The following PCDHGB2 variants were observed in gnomAD, a reference collection of about 807,000 sequenced individuals.
PCDHGB2 encodes protocadherin gamma-B2.
A neutral mutation model predicts 59.3 loss-of-function variants in PCDHGB2; 55 were observed. That is an observed-to-expected ratio of 0.93 (90% CI 0.75 to 1.16). The LOEUF is 1.16. PCDHGB2 is among the 50% of genes most tolerant of loss of function. The pLI, the probability that PCDHGB2 is intolerant of heterozygous loss-of-function variation, is 0.00. For synonymous variants in PCDHGB2, 516 were observed against 512.0 expected (o/e 1.01, Z -0.11); for missense variants, 1,228 against 1,198.5 (o/e 1.02, Z -0.36).
At chr5:141,409,201 AATC>A (rs1377420843) in intron 1 of PCDHGB2, 1 of 1,614,044 alleles carries the variant, frequency 6.2e-7, no homozygotes, top group Non-Finnish European at 8.5e-7. Context: ...AGTGTAAAGT[AATC>A]ATAGAAATCC....
At chr5:141,365,887 C>T in intron 1 of PCDHGB2, 1 of 1,614,160 alleles carries the variant, frequency 6.2e-7, no homozygotes, top group Middle Eastern at 1.6e-4. Flanking sequence ...CTCTGAGATC[C>T]TTCGACTATG....
At chr5:141,468,428 T>C (rs936671539) in intron 1 of PCDHGB2, 11 of 151,374 alleles carry the variant, frequency 7.3e-5, no homozygotes, top group Non-Finnish European at 1.3e-4. Context: ...AGCAAGGTAA[T>C]AGCAAAATGT....
chr5:141,421,751 C>T (rs751678934), intron 1 of PCDHGB2: 1 of 1,613,932 alleles, frequency 6.2e-7, no homozygotes, highest in South Asian at 1.1e-5. Context: ...CAGCTCAGCC[C>T]TAATAATTAC....
intron 1 of PCDHGB2, chr5:141,430,598 T>G: frequency 1.7e-6 from 1 of 598,568 alleles, no homozygotes; most frequent in Non-Finnish European, 2.6e-6. Context: ...TGCACGCGCC[T>G]GAAGCACAAA....
chr5:141,438,591 CATATATATATATATAT>C (rs946798767), intron 1 of PCDHGB2, among the ~76,000 whole-genome samples: 4 of 75,562 alleles, frequency 5.3e-5, no homozygotes, highest in East Asian at 3.5e-4. Context: ...TACATACATA[CATATATATATATATAT>C]ATATATATAT....
intron 1 of PCDHGB2, among the ~76,000 whole-genome samples, chr5:141,436,517 G>A (rs1398225419): frequency 1.3e-5 from 2 of 152,130 alleles, no homozygotes; most frequent in African/African-American, 4.8e-5. Flanking sequence ...TGTTAACTGT[G>A]TCACCTTTAG....
At chr5:141,384,614 C>G (rs759348931) in intron 1 of PCDHGB2, 2 of 1,614,222 alleles carry the variant, frequency 1.2e-6, no homozygotes, top group Admixed American at 3.3e-5. Context: ...ACAGATGGTT[C>G]TACTGGCATG....
At chr5:141,377,663 A>C (rs1774232971) in intron 1 of PCDHGB2, 1 of 152,130 alleles carries the variant, frequency 6.6e-6, no homozygotes, top group African/African-American at 2.4e-5. Context: ...TAAACGACAG[A>C]CGTTCATACA....
intron 1 of PCDHGB2, among the ~76,000 whole-genome samples, chr5:141,436,848 AT>A (rs1247905529): frequency 6.6e-6 from 1 of 152,244 alleles, no homozygotes; most frequent in African/African-American, 2.4e-5. Flanking sequence ...CACATTCTTG[AT>A]TGAGAAGCCA....
Position 141,400,031 on chromosome 5 carries a change from G to A in PCDHGB2, c.2421+37475G>A, listed in dbSNP as rs373709904. The A allele has an allele frequency of 2.2e-5, 36 of 1,612,964 alleles. No individual in the cohort carries two copies. In the African/African-American group the frequency reaches 4.5e-4, roughly 20 times the overall value. The stretch of plus-strand genomic sequence containing the variant: ...GCCTTGGGCGACAGGGACGCGGCCC[G>A]CCAGCGCCTGCTGGTTGCTGTGCGT... On this transcript the variant is annotated intron_variant, in intron 1 of 3. Coordinates refer to ENST00000522605, the MANE Select transcript of PCDHGB2 (RefSeq NM_018923.3).
At chr5:141,479,986 C>T (rs2099510881) in intron 1 of PCDHGB2, among the ~76,000 whole-genome samples, 1 of 152,200 alleles carries the variant, frequency 6.6e-6, no homozygotes, top group Non-Finnish European at 1.5e-5. Flanking sequence ...CATTTACCAA[C>T]TAGGAGTCTG....
At chr5:141,469,044 A>C (rs1247890388) in intron 1 of PCDHGB2, among the ~76,000 whole-genome samples, 1 of 152,128 alleles carries the variant, frequency 6.6e-6, no homozygotes, top group East Asian at 1.9e-4. Context: ...TGGGAGGCCA[A>C]GGTGGGAGGA....
rs1265098241 is a variant in PCDHGB2, at chr5:141,361,519, G to A, written c.1384G>A (p.Ala462Thr). The change falls in exon 1 of 4, where the codon GCA (alanine) becomes ACA (threonine). Residue 462 changes from alanine to threonine, a missense_variant. Physicochemically the swap from Ala to Thr is moderately conservative, Grantham distance 58. Coordinates refer to ENST00000522605, the MANE Select transcript of PCDHGB2 (RefSeq NM_018923.3). Reference protein sequence around the residue: ...FQQTSYMVHVAENNPPGASIA... With the variant: ...FQQTSYMVHVTENNPPGASIA... ...ACAGACTTCCTACATGGTTCACGTG[G>A]CAGAGAACAATCCTCCTGGCGCCTC... 1 of 1,614,024 alleles carries A rather than the reference G, an allele frequency of 6.2e-7. No individual in the cohort carries two copies. Among genetic ancestry groups the A allele is most frequent in the East Asian group, 2.2e-5 (1 of 44,886 alleles).
At chr5:141,427,470 G>A (rs765970767) in intron 1 of PCDHGB2, 8 of 509,992 alleles carry the variant, frequency 1.6e-5, no homozygotes, top group African/African-American at 7.7e-5. Flanking sequence ...CGAATCTTCC[G>A]CCAATAATGA....
intron 1 of PCDHGB2, chr5:141,384,001 CT>C (rs752837795): frequency 6.2e-7 from 1 of 1,613,828 alleles, no homozygotes; most frequent in South Asian, 1.1e-5. Context: ...AGTCATTGCT[CT>C]TTTCTACCTA....
At chr5:141,374,458 C>T (rs1183222146) in intron 1 of PCDHGB2, 1 of 1,613,426 alleles carries the variant, frequency 6.2e-7, no homozygotes. Flanking sequence ...AAATAGTGGA[C>T]ATTAATGACA....
At chr5:141,376,453 T>C (rs779136467) in intron 1 of PCDHGB2, 2 of 1,614,048 alleles carry the variant, frequency 1.2e-6, no homozygotes, top group African/African-American at 2.7e-5. Flanking sequence ...AAAGCGAGCC[T>C]CTTCTGATAA....
intron 1 of PCDHGB2, chr5:141,415,300 C>T (rs763286826): frequency 3.1e-6 from 5 of 1,614,222 alleles, no homozygotes; most frequent in East Asian, 4.5e-5. Context: ...CTGCGTCTTC[C>T]TGGCCTTCGT....
At chr5:141,370,364 G>A (rs769081116) in intron 1 of PCDHGB2, 5 of 1,521,178 alleles carry the variant, frequency 3.3e-6, no homozygotes, top group Non-Finnish European at 3.5e-6. Context: ...CCTCTCCTCG[G>A]ATTTAGAAAG....
Sources: allele counts gnomAD v4.1 joint callset (sites outside exome capture counted in the v4.1 genomes callset), GRCh38; gene constraint gnomAD v4.1.1; transcripts MANE v1.5; gene names NCBI Gene and HGNC (gene_info 2026-07-23, HGNC 2026-07-21).